The following HSPA14 variants were observed in gnomAD, a reference collection of about 807,000 sequenced individuals.
The protein encoded by HSPA14 is heat shock 70 kDa protein 14.
HSPA14 carries 37 observed loss-of-function variants against 65.5 expected under a neutral mutation model. That is an observed-to-expected ratio of 0.56 (90% CI 0.43 to 0.74). HSPA14 has a LOEUF of 0.74. HSPA14 is among the 30% of genes least tolerant of loss of function. The pLI is 0.00. For missense variants in HSPA14, 564 were observed against 607.6 expected, an observed-to-expected ratio of 0.93 and a Z score of 0.75; for synonymous variants, 203 against 214.2, an observed-to-expected ratio of 0.95 and a Z score of 0.46.
intron 6 of HSPA14, chr10:14,850,625 T>G (rs927534059): frequency 2.6e-5 from 4 of 152,280 alleles, no homozygotes; most frequent in Non-Finnish European, 4.4e-5. Flanking sequence ...TTTTAAAAAC[T>G]GAACACTAGA....
At chr10:14,859,006 G>A (rs1434838944) in intron 10 of HSPA14, among the ~76,000 whole-genome samples, 1 of 151,872 alleles carries the variant, frequency 6.6e-6, no homozygotes, top group African/African-American at 2.4e-5. Context: ...GGCTTTTTTT[G>A]GAAGAAATTC....
intron 3 of HSPA14, chr10:14,843,400 A>C (rs1387180379): frequency 6.4e-7 from 1 of 1,550,838 alleles, no homozygotes; most frequent in African/African-American, 1.4e-5. Flanking sequence ...CAGCTACAGC[A>C]GCTCCCACAG....
intron 10 of HSPA14, among the ~76,000 whole-genome samples, chr10:14,863,274 T>C (rs888215657): frequency 6.6e-6 from 1 of 152,150 alleles, no homozygotes; most frequent in African/African-American, 2.4e-5. Flanking sequence ...CTGACCTATA[T>C]CGTCTGAACA....
At chr10:14,839,811 T>G (rs1833947722) in intron 1 of HSPA14, 94 bp from the exon 2 acceptor site, 1 of 808,728 alleles carries the variant, frequency 1.2e-6, no homozygotes, top group Admixed American at 2.3e-5. Flanking sequence ...TAGCAGTTTT[T>G]CTTTCCACAC....
intron 8 of HSPA14, 88 bp downstream of exon 8, chr10:14,852,619 C>A: frequency 9.2e-7 from 1 of 1,087,472 alleles, no homozygotes; most frequent in Admixed American, 2.5e-5. Flanking sequence ...TTTAAGTTAT[C>A]CTGCTGCAAA....
At chr10:14,864,042 C>A (rs1832780289) in intron 10 of HSPA14, among the ~76,000 whole-genome samples, 1 of 151,788 alleles carries the variant, frequency 6.6e-6, no homozygotes, top group Non-Finnish European at 1.5e-5. Flanking sequence ...TTGCTGGCAC[C>A]TTAATCTTGG....
intron 3 of HSPA14, chr10:14,844,527 C>A: frequency 8.1e-6 from 8 of 987,176 alleles, no homozygotes; most frequent in Non-Finnish European, 9.6e-6. Context: ...TAATCTCTTA[C>A]ATTTCCACTG....
intron 10 of HSPA14, among the ~76,000 whole-genome samples, chr10:14,865,979 CTT>C (rs1386137311): frequency 6.6e-6 from 1 of 152,188 alleles, no homozygotes; most frequent in Non-Finnish European, 1.5e-5. Context: ...TTTCTATCCT[CTT>C]TTATTTTGTT....
In HSPA14 at chr10:14,839,930, A is replaced by G. The variant is rs1833949756; in HGVS notation, c.83A>G (p.Asn28Ser). 6.2e-7 allele frequency: 1 copy of G among 1,613,052 alleles called. No homozygotes were observed. The highest frequency in any genetic ancestry group is 8.5e-7 in the Non-Finnish European group (1 of 1,179,492). ...YKDGRAGVVANDAGDRVTPAV... is the reference protein window; with the variant it reads ...YKDGRAGVVASDAGDRVTPAV... ...GATGGCCGGGCTGGTGTGGTTGCAA[A>G]TGATGCCGGTGACCGAGTTACTCCA... The change falls in exon 2 of 14, where the codon AAT (asparagine) becomes AGT (serine). Residue 28 changes from asparagine (N) to serine (S), a missense_variant. Coordinates refer to ENST00000378372, the MANE Select transcript of HSPA14 (RefSeq NM_016299.4).
Position 14,854,136 on chromosome 10 carries a change from A to G in HSPA14, c.746A>G (p.His249Arg). Residue 249 changes from histidine to arginine, a missense_variant, in exon 9 of 14, where the codon CAT (histidine) becomes CGT (arginine). By Grantham distance (29) the His-to-Arg change is conservative (BLOSUM62 0). Coordinates refer to ENST00000378372, the MANE Select transcript of HSPA14 (RefSeq NM_016299.4). ...LASEFQRSFK[H>R]DVRGNARAMM... ...TGTTTTTAATTTAGATCCTTCAAAC[A>G]TGATGTGAGAGGAAATGCGCGAGCC... 1.2e-6 allele frequency: 2 copies of G among 1,601,002 alleles called. No homozygotes were observed. The highest frequency in any genetic ancestry group is 1.7e-6 in the Non-Finnish European group (2 of 1,176,472).
intron 1 of HSPA14, among the ~76,000 whole-genome samples, chr10:14,838,771 G>A (rs2131632192): frequency 6.6e-6 from 1 of 152,220 alleles, no homozygotes; most frequent in Admixed American, 6.5e-5. Context: ...GGGGGGTCCC[G>A]GAGACAGCGG....
chr10:14,845,587 C>CTAT (rs914305362), intron 3 of HSPA14: 12 of 928,368 alleles, frequency 1.3e-5, no homozygotes, highest in African/African-American at 1.1e-4. Flanking sequence ...TTGCCCTTTT[C>CTAT]TATTATTATT....
At chr10:14,861,619 A>C (rs1269988034) in intron 10 of HSPA14, among the ~76,000 whole-genome samples, 2 of 152,116 alleles carry the variant, frequency 1.3e-5, no homozygotes, top group African/African-American at 4.8e-5. Flanking sequence ...CCAGAACTTA[A>C]ATATTTTTGT....
intron 10 of HSPA14, among the ~76,000 whole-genome samples, chr10:14,862,481 TCTC>T (rs1284175324): frequency 6.1e-5 from 9 of 148,732 alleles, no homozygotes; most frequent in South Asian, 2.2e-4. Flanking sequence ...TTCACGCTAT[TCTC>T]CTGCCTCAGC....
intron 3 of HSPA14, chr10:14,846,825 G>A: frequency 1.0e-6 from 1 of 985,358 alleles, no homozygotes; most frequent in Non-Finnish European, 1.2e-6. Flanking sequence ...TATTCAAGTA[G>A]GAGGAGGAAG....
Position 14,851,245 on chromosome 10 carries a change from A to C in HSPA14, c.494A>C (p.Asn165Thr). The C allele has an allele frequency of 1.2e-6, 2 of 1,610,268 alleles. No individual in the cohort carries two copies. The highest frequency in any genetic ancestry group is 1.7e-6 in the Non-Finnish European group (2 of 1,177,252). ...LGEAARAAGF[N>T]VLRLIHEPSA... The stretch of plus-strand genomic sequence containing the variant: ...GAAGCAGCTAGAGCTGCTGGATTTA[A>C]TGTTTTGCGATTAATTCACGAACCG... Residue 165 changes from asparagine to threonine, a missense_variant, in exon 7 of 14, where the codon AAT becomes ACT. Physicochemically the swap from Asn to Thr is moderately conservative, Grantham distance 65 (BLOSUM62 0). Coordinates refer to ENST00000378372, the MANE Select transcript of HSPA14 (RefSeq NM_016299.4).
intron 10 of HSPA14, among the ~76,000 whole-genome samples, chr10:14,861,428 C>T (rs748516377): frequency 5.3e-5 from 8 of 152,120 alleles, no homozygotes; most frequent in Non-Finnish European, 1.2e-4. Context: ...CAGGCTCAAG[C>T]GACCCTCCCG....
In HSPA14 at chr10:14,848,708, G is replaced by A. The variant is rs986397554; in HGVS notation, c.270+51G>A. The stretch of plus-strand genomic sequence containing the variant: ...CCTGTTACATAGAGTAATTACCAAG[G>A]TGATAACATGGAATGTTGATTTGAA... On this transcript the variant is annotated intron_variant, in intron 4 of 13. Transcript: ENST00000378372. 4.7e-6 allele frequency: 7 copies of A among 1,473,792 alleles called. No homozygotes were observed. In the Admixed American group the frequency reaches 1.1e-4, roughly 22 times the overall value. 91.3% of individuals were successfully genotyped at this position (1,473,792 alleles called of 1,614,324 possible).
chr10:14,867,631 G>C (rs1832818823), intron 11 of HSPA14, 105 bp from the exon 12 acceptor site: 1 of 943,438 alleles, frequency 1.1e-6, no homozygotes. Flanking sequence ...TTTGCCTAGT[G>C]TCCTGTTTAT....
Sources: gnomAD v4.1 joint callset for allele counts (sites outside exome capture counted in the v4.1 genomes callset) on GRCh38, gnomAD v4.1.1 for gene constraint, MANE v1.5 for transcripts, NCBI Gene and HGNC (gene_info 2026-07-23, HGNC 2026-07-21) for gene names.